The following RAD51B variants were observed in gnomAD, a reference collection of about 807,000 sequenced individuals.
RAD51B encodes the protein DNA repair protein RAD51 homolog 2.
A neutral mutation model predicts 42.2 loss-of-function variants in RAD51B; 38 were observed. The observed-to-expected ratio is 0.90, with a 90% CI of 0.70 to 1.18. RAD51B has a LOEUF of 1.18. Among genes scored for constraint, RAD51B ranks in the 50% most tolerant of loss-of-function variants. The probability of loss-of-function intolerance (pLI) is 0.00; values close to 1 mark genes in which losing one functional copy is unlikely to be tolerated. For synonymous variants in RAD51B, 154 were observed against 145.2 expected (o/e 1.06, Z -0.43); for missense variants, 373 against 400.7 (o/e 0.93, Z 0.59).
At chr14:67,844,799 G>A (rs1018667154) in intron 4 of RAD51B, among the ~76,000 whole-genome samples, 1 of 151,936 alleles carries the variant, frequency 6.6e-6, no homozygotes, top group Non-Finnish European at 1.5e-5. Context: ...GCCCCAGTGT[G>A]TGATGTTCCC....
At chr14:68,533,186 A>G (rs1006071779) in intron 10 of RAD51B, among the ~76,000 whole-genome samples, 21 of 152,228 alleles carry the variant, frequency 1.4e-4, no homozygotes, top group Admixed American at 1.1e-3. Context: ...GAAAATTATT[A>G]TAAATAATAA....
chr14:68,046,465 A>G (rs972932542), intron 7 of RAD51B, among the ~76,000 whole-genome samples: 4 of 152,204 alleles, frequency 2.6e-5, no homozygotes, highest in African/African-American at 4.8e-5. Context: ...CTAGCTGGAC[A>G]TGGTGGCTCA....
At chr14:68,106,670 T>G (rs761319215) in intron 7 of RAD51B, among the ~76,000 whole-genome samples, 37 of 151,900 alleles carry the variant, frequency 2.4e-4, no homozygotes, top group Non-Finnish European at 4.6e-4. Context: ...TACTTAGTAC[T>G]TCATTGGAAC....
At chr14:68,063,791 A>G (rs573835520) in intron 7 of RAD51B, among the ~76,000 whole-genome samples, 1 of 152,320 alleles carries the variant, frequency 6.6e-6, no homozygotes, top group South Asian at 2.1e-4. Flanking sequence ...TAGGAAGCAT[A>G]TAGTCGGATC....
chr14:68,639,561 G>C (rs536612183), intron 10 of RAD51B, among the ~76,000 whole-genome samples: 92 of 152,176 alleles, frequency 6.0e-4, no homozygotes, highest in Non-Finnish European at 1.2e-3. Context: ...CAATAGGAAT[G>C]AAAAGGGAGG....
chr14:68,236,624 T>G (rs2080264091), intron 7 of RAD51B: 1 of 152,224 alleles, frequency 6.6e-6, no homozygotes, highest in African/African-American at 2.4e-5. Flanking sequence ...TGTTTGTTGT[T>G]TTTATGGCAG....
intron 7 of RAD51B, among the ~76,000 whole-genome samples, chr14:68,036,259 C>T (rs568322413): frequency 2.6e-5 from 4 of 152,298 alleles, no homozygotes; most frequent in East Asian, 1.9e-4. Flanking sequence ...TCTTCGCTAA[C>T]GTTACAAAAT....
chr14:68,396,888 A>G (rs995866537), intron 8 of RAD51B, among the ~76,000 whole-genome samples: 6 of 152,226 alleles, frequency 3.9e-5, no homozygotes. Flanking sequence ...ATTAATGGCC[A>G]TTCTTGTAAT....
intron 7 of RAD51B, among the ~76,000 whole-genome samples, chr14:67,952,574 G>C (rs1214881633): frequency 6.6e-6 from 1 of 151,918 alleles, no homozygotes; most frequent in African/African-American, 2.4e-5. Context: ...TTTGAGGAAG[G>C]ACAGATGCTA....
chr14:68,521,061 A>G (rs1679977820), intron 10 of RAD51B, among the ~76,000 whole-genome samples: 1 of 152,156 alleles, frequency 6.6e-6, no homozygotes, highest in Non-Finnish European at 1.5e-5. Flanking sequence ...GAATATCCAA[A>G]TCAAGAGAGT....
chr14:67,988,515 A>T (rs933906278), intron 7 of RAD51B, among the ~76,000 whole-genome samples: 3 of 152,140 alleles, frequency 2.0e-5, no homozygotes, highest in Non-Finnish European at 4.4e-5. Flanking sequence ...ATGAAAAACA[A>T]CATCTTGTCT....
chr14:68,592,116 G>T (rs1490294883), intron 10 of RAD51B, among the ~76,000 whole-genome samples: 2 of 152,078 alleles, frequency 1.3e-5, no homozygotes, highest in Admixed American at 6.6e-5. Flanking sequence ...ATTAGGAGGG[G>T]GGGAATTGAT....
At chr14:68,285,480 C>T (rs771289663) in intron 7 of RAD51B, among the ~76,000 whole-genome samples, 2 of 152,178 alleles carry the variant, frequency 1.3e-5, no homozygotes, top group Non-Finnish European at 2.9e-5. Context: ...TAGTGCCAGG[C>T]GGGTTGGTGA....
At chr14:68,135,351 A>G (rs1416832430) in intron 7 of RAD51B, among the ~76,000 whole-genome samples, 2 of 152,216 alleles carry the variant, frequency 1.3e-5, no homozygotes, top group Non-Finnish European at 2.9e-5. Flanking sequence ...CACAATCCCA[A>G]CCATATTAGA....
At chr14:67,940,035 TATATATATATATATATATA>T (rs1348572136) in intron 7 of RAD51B, among the ~76,000 whole-genome samples, 2 of 20,184 alleles carry the variant, frequency 9.9e-5, no homozygotes, top group African/African-American at 3.6e-4. Flanking sequence ...TATATATATA[TATATATATATATATATATA>T]TTTTTTTTTT....
chr14:68,431,922 A>T (rs1272459876), intron 9 of RAD51B, among the ~76,000 whole-genome samples: 2 of 152,154 alleles, frequency 1.3e-5, no homozygotes, highest in African/African-American at 4.8e-5. Flanking sequence ...CCTGCTTTAA[A>T]TGTGTCCCAG....
At position 68,565,583 on chromosome 14, in the gene RAD51B, TG is replaced by T. The variant is rs1457292854; in HGVS notation, c.1037-28899del. Reference sequence around the variant, plus strand: ...CAGTTTTGCAATAATTCTCAAGAGCTGGGAAGAAGTATAGCCAGATTTCAAT... The same window carrying T: ...CAGTTTTGCAATAATTCTCAAGAGCTGGAAGAAGTATAGCCAGATTTCAAT... On this transcript the variant is annotated intron_variant, in intron 10 of 10. Transcript: ENST00000487270. This position sits in a 1 kb window ranked among gnomAD's most constrained non-coding sequence, Gnocchi z 4.1. 6.6e-6 allele frequency among the ~76,000 whole-genome samples: 1 copy of T among 152,152 alleles called. No individual in the cohort carries two copies. The highest frequency in any genetic ancestry group is 1.5e-5 in the Non-Finnish European group (1 of 68,032).
At chr14:68,193,130 C>G (rs915849087) in intron 7 of RAD51B, among the ~76,000 whole-genome samples, 2 of 152,166 alleles carry the variant, frequency 1.3e-5, no homozygotes, top group African/African-American at 4.8e-5. Flanking sequence ...TCATGTGCTT[C>G]CCTGAATACA....
intron 7 of RAD51B, among the ~76,000 whole-genome samples, chr14:67,899,822 T>C (rs181118574): frequency 1.7e-3 from 257 of 152,356 alleles, no homozygotes; most frequent in African/African-American, 6.0e-3. Flanking sequence ...TATTCCCTTT[T>C]TATAGTTGAA....
Sources: allele counts gnomAD v4.1 joint callset (sites outside exome capture counted in the v4.1 genomes callset), GRCh38; gene constraint gnomAD v4.1.1; non-coding constraint Gnocchi (gnomAD v3.1); transcripts MANE v1.5; gene names NCBI Gene and HGNC (gene_info 2026-07-23, HGNC 2026-07-21).